HPSE: variants seen among roughly 807,000 people sequenced by gnomAD.
The protein encoded by HPSE is heparanase.
In HPSE, 48 loss-of-function variants were observed where a neutral mutation model predicts 65.1. The ratio of observed to expected loss-of-function variants is 0.74; its 90% confidence interval spans 0.58 to 0.94. The LOEUF is 0.94. Among genes scored for constraint, HPSE ranks in the 40% least tolerant of loss-of-function variants. HPSE has a pLI of 0.00. For synonymous variants in HPSE, 243 were observed against 260.0 expected (o/e 0.93, Z 0.63); for missense variants, 644 against 637.5 (o/e 1.01, Z -0.11).
chr4:83,302,995 C>CT (rs1736009746), intron 9 of HPSE, among the ~76,000 whole-genome samples: 1 of 152,114 alleles, frequency 6.6e-6, no homozygotes, highest in Admixed American at 6.6e-5. Flanking sequence ...TTAAAAAAAT[C>CT]TTAAAAAAAA....
chr4:83,320,664 G>A (rs1736856068), intron 2 of HPSE, among the ~76,000 whole-genome samples: 3 of 152,190 alleles, frequency 2.0e-5, no homozygotes, highest in Non-Finnish European at 4.4e-5. Context: ...TGGCTGCCAG[G>A]GCCGGCTGAC....
At chr4:83,328,526 C>T (rs958296991) in intron 1 of HPSE, among the ~76,000 whole-genome samples, 10 of 152,260 alleles carry the variant, frequency 6.6e-5, no homozygotes, top group East Asian at 1.9e-4. Context: ...ATATGGATTT[C>T]GGGGTAACCT....
Position 83,302,233 on chromosome 4 carries a change from C to CA in HPSE, c.1241dup (p.Thr416HisfsTer26). ...CGCTTGCCATTAACACCTTGGTGCCCACCAATTTCTTGAACAGAAGAGATA... is the reference window on the plus strand; with the variant it reads ...CGCTTGCCATTAACACCTTGGTGCCCAACCAATTTCTTGAACAGAAGAGATA... On this transcript the variant is annotated frameshift_variant, in exon 10 of 12. Coordinates refer to ENST00000311412, the MANE Select transcript of HPSE (RefSeq NM_001098540.3). LOFTEE classifies it high-confidence loss of function. 6.2e-7 allele frequency: 1 copy of CA among 1,613,696 alleles called. No individual in the cohort carries two copies. Among genetic ancestry groups the CA allele is most frequent in the Non-Finnish European group, 8.5e-7 (1 of 1,179,730 alleles).
Position 83,322,312 on chromosome 4 carries a change from A to T in HPSE, c.280T>A (p.Phe94Ile). 1.2e-6 allele frequency: 2 copies of T among 1,613,802 alleles called. No homozygotes were observed. The highest frequency in any genetic ancestry group is 1.7e-6 in the Non-Finnish European group (2 of 1,179,820). The change falls in exon 2 of 12, where the codon TTT becomes ATT. Residue 94 changes from phenylalanine (F) to isoleucine (I), a missense_variant. Phe to Ile is a conservative substitution (Grantham distance 21). Coordinates refer to ENST00000311412, the MANE Select transcript of HPSE (RefSeq NM_001098540.3). ...ARGLSPAYLR[F>I]GGTKTDFLIF... ...AGGAAGTCTGTCTTGGTGCCACCAA[A>T]CCTCAGGTACGCAGGAGACAAGCCT...
At chr4:83,315,879 C>T (rs746186319) in intron 3 of HPSE, among the ~76,000 whole-genome samples, 8 of 152,198 alleles carry the variant, frequency 5.3e-5, no homozygotes, top group Non-Finnish European at 8.8e-5. Context: ...ATACTTTACC[C>T]TTCCTCCATT....
At chr4:83,318,234 T>A (rs1314280474) in intron 3 of HPSE, among the ~76,000 whole-genome samples, 2 of 152,238 alleles carry the variant, frequency 1.3e-5, no homozygotes, top group Non-Finnish European at 2.9e-5. Context: ...GAGCTTGAAG[T>A]ATCTGAGCAG....
At chr4:83,296,677 GA>G (rs959233639) in intron 11 of HPSE, among the ~76,000 whole-genome samples, 357 of 91,022 alleles carry the variant, frequency 3.9e-3, no homozygotes, top group East Asian at 7.1e-3. Flanking sequence ...TCTAAAAAAA[GA>G]AAAAAAAAAA....
At chr4:83,312,919 G>A (rs556262886) in intron 4 of HPSE, among the ~76,000 whole-genome samples, 195 bp downstream of exon 4, 70 of 53,766 alleles carry the variant, frequency 1.3e-3, no homozygotes, top group African/African-American at 5.5e-3. Flanking sequence ...CTACTCGGGA[G>A]GCTGAGGCAG....
chr4:83,315,313 A>G (rs1736584159), intron 3 of HPSE, among the ~76,000 whole-genome samples: 1 of 152,210 alleles, frequency 6.6e-6, no homozygotes, highest in Admixed American at 6.5e-5. Flanking sequence ...TTTGGGTTTG[A>G]AAAGCTCTCT....
rs761205202 is a variant in HPSE at position 83,334,814 on chromosome 4, C to G, written c.-32G>C. 2.1e-5 allele frequency: 31 copies of G among 1,484,718 alleles called. No individual in the cohort carries two copies. The highest frequency in any genetic ancestry group is 2.8e-5 in the Non-Finnish European group (31 of 1,118,582). The allele number at this position is 1,484,718 out of a possible 1,614,324, so 92.0% of individuals were successfully genotyped here. The stretch of plus-strand genomic sequence containing the variant: ...CTCACCTGGCTGCTCCCCCCGCCAG[C>G]TGCCGCGCAGCGGAGAGTCGAGAGC... On this transcript the variant is annotated 5_prime_UTR_variant, in exon 1 of 12. Transcript: ENST00000311412.
Position 83,313,201 on chromosome 4 carries a change from C to G in HPSE, c.586G>C (p.Asp196His). 6.2e-7 allele frequency: 1 copy of G among 1,613,898 alleles called. No individual in the cohort carries two copies. Among genetic ancestry groups the G allele is most frequent in the Non-Finnish European group, 8.5e-7 (1 of 1,179,842 alleles). ...FGLNALLRTA[D>H]LQWNSSNAQL... Reference sequence around the variant, plus strand: ...GCATTAGAACTGTTCCACTGCAAATCTGCTGTTCTTAATAACGCATTTAGG... The same window carrying G: ...GCATTAGAACTGTTCCACTGCAAATGTGCTGTTCTTAATAACGCATTTAGG... The change falls in exon 4 of 12, where the codon GAT becomes CAT. Residue 196 changes from aspartate (D) to histidine (H), a missense_variant. By Grantham distance (81) the Asp-to-His change is moderately conservative (BLOSUM62 -1). Coordinates refer to ENST00000311412, the MANE Select transcript of HPSE (RefSeq NM_001098540.3).
At chr4:83,319,297 A>C in intron 3 of HPSE, 47 bp downstream of exon 3, 2 of 1,602,538 alleles carry the variant, frequency 1.2e-6, no homozygotes, top group Non-Finnish European at 1.7e-6. Context: ...AACCTATTCA[A>C]ATATCTTTGG....
At chr4:83,296,819 A>G (rs370540547) in intron 11 of HPSE, among the ~76,000 whole-genome samples, 2 of 152,166 alleles carry the variant, frequency 1.3e-5, no homozygotes, top group East Asian at 1.9e-4. Flanking sequence ...AGTATTATCT[A>G]TCATCATTAT....
intron 2 of HPSE, among the ~76,000 whole-genome samples, chr4:83,320,245 C>G (rs1736835398): frequency 6.6e-6 from 1 of 152,072 alleles, no homozygotes; most frequent in Admixed American, 6.6e-5. Flanking sequence ...ATCAGAGCTT[C>G]TGGGACCACA....
At chr4:83,304,056 C>T (rs1736061342) in intron 9 of HPSE, among the ~76,000 whole-genome samples, 1 of 152,022 alleles carries the variant, frequency 6.6e-6, no homozygotes, top group Non-Finnish European at 1.5e-5. Flanking sequence ...TATATTAATA[C>T]ATGTATGTTA....
chr4:83,318,972 G>A (rs940996312), intron 3 of HPSE, among the ~76,000 whole-genome samples: 2 of 152,002 alleles, frequency 1.3e-5, no homozygotes, highest in Non-Finnish European at 2.9e-5. Flanking sequence ...TTTCTGGGAG[G>A]GGGACGGACC....
chr4:83,318,528 A>G (rs1736745938), intron 3 of HPSE, among the ~76,000 whole-genome samples: 1 of 152,008 alleles, frequency 6.6e-6, no homozygotes, highest in Non-Finnish European at 1.5e-5. Context: ...CAGCTACTCA[A>G]TAATCAATAA....
At chr4:83,317,072 T>C (rs139707128) in intron 3 of HPSE, among the ~76,000 whole-genome samples, 1,881 of 152,246 alleles carry the variant, frequency 0.012, 39 homozygotes, top group African/African-American at 0.043. Flanking sequence ...CTAATTTTTG[T>C]ATTTTTAGTA....
chr4:83,308,718 T>G, intron 8 of HPSE, 127 bp downstream of exon 8: 1 of 693,444 alleles, frequency 1.4e-6, no homozygotes, highest in Non-Finnish European at 2.5e-6. Flanking sequence ...AAATCTGGCA[T>G]GAATTTTGGG....
Sources: allele counts gnomAD v4.1 joint callset (sites outside exome capture counted in the v4.1 genomes callset), GRCh38; gene constraint gnomAD v4.1.1; transcripts MANE v1.5; gene names NCBI Gene and HGNC (gene_info 2026-07-23, HGNC 2026-07-21).